Variants in MED13L observed in about 807,000 individuals in gnomAD.
MED13L encodes the protein mediator of RNA polymerase II transcription subunit 13-like.
Under a neutral mutation model 220.9 loss-of-function variants are expected in MED13L, and 7 were observed. That is an observed-to-expected ratio of 0.03 (90% CI 0.02 to 0.06). The LOEUF is 0.06. Ranked by LOEUF, MED13L falls within the 10% of genes least tolerant of loss-of-function variation. The pLI, the probability that MED13L is intolerant of heterozygous loss-of-function variation, is 1.00. For missense variants in MED13L, 1,965 were observed against 2,760.5 expected (o/e 0.71, Z 6.46); for synonymous variants, 1,011 against 1,015.2 (o/e 1.00, Z 0.08).
intron 4 of MED13L, among the ~76,000 whole-genome samples, chr12:116,031,803 A>AAGGAAGGAAGGAAGGAAGGAAG (rs1566021046): frequency 1.5e-4 from 13 of 89,554 alleles, no homozygotes; most frequent in South Asian, 3.5e-4. Context: ...AAGGAAGGAA[A>AAGGAAGGAAGGAAGGAAGGAAG]GAAAGAGAGA....
chr12:116,111,519 AAAAAAAG>A lies in MED13L; in HGVS notation c.311-14_311-8del, dbSNP rs748073962. 1.3e-6 allele frequency: 2 copies of A among 1,595,486 alleles called. No individual in the cohort carries two copies. Among genetic ancestry groups the A allele is most frequent in the Admixed American group, 1.7e-5 (1 of 58,114 alleles). ...CAGAGTCCTTCTTCCACAACTGAAA[AAAAAAAG>A]AAAAAAGAAAAAAAAAGAACCAGTA... On this transcript the variant is annotated splice_region_variant and splice_polypyrimidine_tract_variant and intron_variant, in intron 2 of 30. Transcript: ENST00000281928.
chr12:116,170,366 G>C (rs974958243), intron 2 of MED13L, among the ~76,000 whole-genome samples: 2 of 151,988 alleles, frequency 1.3e-5, no homozygotes, highest in Non-Finnish European at 2.9e-5. Context: ...TCATTTTGGA[G>C]AAAATACCTA....
chr12:115,984,411 C>T (rs1265145827), intron 19 of MED13L, 39 bp from the exon 20 acceptor site: 17 of 1,601,976 alleles, frequency 1.1e-5, no homozygotes, highest in Non-Finnish European at 1.4e-5. Flanking sequence ...TAACAGGAGC[C>T]ATTCCTTCAT....
At chr12:116,186,629 C>T (rs566737386) in intron 2 of MED13L, among the ~76,000 whole-genome samples, 1 of 152,284 alleles carries the variant, frequency 6.6e-6, no homozygotes, top group South Asian at 2.1e-4. Context: ...CATACAACAT[C>T]TTTACAGTGA....
chr12:116,120,181 T>C (rs1422885527), intron 2 of MED13L, among the ~76,000 whole-genome samples: 2 of 151,856 alleles, frequency 1.3e-5, no homozygotes, highest in African/African-American at 4.8e-5. Context: ...ATGGGATTCA[T>C]ATCCAAATGT....
intron 2 of MED13L, among the ~76,000 whole-genome samples, chr12:116,148,076 AGGGGGGCGGG>A (rs1283839131): frequency 8.1e-4 from 41 of 50,548 alleles, no homozygotes; most frequent in Non-Finnish European, 1.2e-3. Context: ...AAAAAAAAAG[AGGGGGGCGGG>A]AGTGGAGGGG....
At chr12:116,273,342 A>C (rs954107371) in intron 1 of MED13L, among the ~76,000 whole-genome samples, 3 of 152,176 alleles carry the variant, frequency 2.0e-5, no homozygotes, top group Admixed American at 6.5e-5. Flanking sequence ...ATGAACCATC[A>C]TGGAAAAAAA....
intron 4 of MED13L, among the ~76,000 whole-genome samples, chr12:116,023,797 G>C (rs1182895205): frequency 6.6e-6 from 1 of 151,824 alleles, no homozygotes; most frequent in Non-Finnish European, 1.5e-5. Context: ...AAAGAATTTT[G>C]AAAAAAAGTT....
chr12:116,114,625 G>C (rs1287977203), intron 2 of MED13L, among the ~76,000 whole-genome samples: 1 of 152,030 alleles, frequency 6.6e-6, no homozygotes, highest in African/African-American at 2.4e-5. Flanking sequence ...CATTATACCT[G>C]AATTTCATCC....
intron 4 of MED13L, among the ~76,000 whole-genome samples, chr12:116,084,817 C>T (rs1871507981): frequency 6.6e-6 from 1 of 151,380 alleles, no homozygotes; most frequent in African/African-American, 2.4e-5. Flanking sequence ...GTGGAGATGA[C>T]ATGCTACACT....
At chr12:116,144,268 A>C (rs146483817) in intron 2 of MED13L, among the ~76,000 whole-genome samples, 1 of 152,164 alleles carries the variant, frequency 6.6e-6, no homozygotes, top group Non-Finnish European at 1.5e-5. Flanking sequence ...TCCACATCCT[A>C]ATTTTGGATG....
intron 9 of MED13L, among the ~76,000 whole-genome samples, chr12:116,010,322 T>A (rs534381806): frequency 6.6e-6 from 1 of 152,312 alleles, no homozygotes; most frequent in African/African-American, 2.4e-5. Context: ...TCAGAAAGTA[T>A]CTCAATAACT....
chr12:116,238,892 C>A (rs748744191), intron 1 of MED13L, among the ~76,000 whole-genome samples: 2 of 152,116 alleles, frequency 1.3e-5, no homozygotes, highest in Non-Finnish European at 2.9e-5. Context: ...GTCAGGAGTT[C>A]GAGACCAGCC....
chr12:115,970,895 G>T (rs1454302326), intron 26 of MED13L, 125 bp from the exon 27 acceptor site: 2 of 903,308 alleles, frequency 2.2e-6, no homozygotes, highest in East Asian at 2.6e-5. Flanking sequence ...ATTCAAAATT[G>T]AGTCCAATTG....
At chr12:116,166,078 T>G (rs1879246920) in intron 2 of MED13L, among the ~76,000 whole-genome samples, 1 of 152,188 alleles carries the variant, frequency 6.6e-6, no homozygotes, top group Admixed American at 6.5e-5. Context: ...TAAACCACTT[T>G]TCTGGTCAGG....
Position 115,991,726 on chromosome 12 carries a change from G to A in MED13L, c.3228C>T (p.Ser1076=), listed in dbSNP as rs1878075681. 6.2e-7 allele frequency: 1 copy of A among 1,613,900 alleles called. No homozygotes were observed. The highest frequency in any genetic ancestry group is 8.5e-7 in the Non-Finnish European group (1 of 1,179,910). ...TGGAGGCTGGTGATCCTTGATCGGT[G>A]CTATCATACTTAACAGACCCTTGAC... The part of the protein sequence containing the change: ...ASGQGSVKYD[S]TDQGSPASTP... Residue 1076 remains serine, a synonymous_variant, in exon 17 of 31, where the codon AGC becomes AGT. Coordinates refer to ENST00000281928, the MANE Select transcript of MED13L (RefSeq NM_015335.5). This position sits in a 1 kb window ranked among gnomAD's most constrained non-coding sequence, Gnocchi z 7.7.
chr12:116,259,943 A>C (rs944866818), intron 1 of MED13L, among the ~76,000 whole-genome samples: 1 of 152,204 alleles, frequency 6.6e-6, no homozygotes, highest in African/African-American at 2.4e-5. Flanking sequence ...TAGTGAGTAC[A>C]GCTGAATAAA....
At chr12:115,976,437 G>C (rs1195589074) in intron 23 of MED13L, among the ~76,000 whole-genome samples, 1 of 152,128 alleles carries the variant, frequency 6.6e-6, no homozygotes. Flanking sequence ...TTATATCAAG[G>C]TCAAAGACAG....
In MED13L at chr12:116,250,077, T is replaced by C. The variant is rs1420225737; in HGVS notation, c.73-12372A>G. On this transcript the variant is annotated intron_variant, in intron 1 of 30. Transcript: ENST00000281928. ...CACCAAAATACATCAAAATAAAATTTGTAAAAACCAGTGATAAAAAGGAAA... is the reference window on the plus strand; with the variant it reads ...CACCAAAATACATCAAAATAAAATTCGTAAAAACCAGTGATAAAAAGGAAA... Among the ~76,000 whole-genome samples, 5 of 144,548 alleles carry C rather than the reference T, an allele frequency of 3.5e-5. No individual in the cohort carries two copies. The East Asian group carries it at 1.0e-3, about 29-fold the overall frequency. 94.8% of individuals were successfully genotyped at this position (144,548 alleles called of 152,430 possible).
Sources: allele counts gnomAD v4.1 joint callset (sites outside exome capture counted in the v4.1 genomes callset), GRCh38; gene constraint gnomAD v4.1.1; non-coding constraint Gnocchi (gnomAD v3.1); transcripts MANE v1.5; gene names NCBI Gene and HGNC (gene_info 2026-07-23, HGNC 2026-07-21).